Variants in SLC30A10 observed in about 807,000 individuals in gnomAD.
The protein encoded by SLC30A10 is solute carrier family 30 member 10.
Under a neutral mutation model 21.7 loss-of-function variants are expected in SLC30A10, and 8 were observed. That is an observed-to-expected ratio of 0.37 (90% CI 0.22 to 0.67). The LOEUF is 0.67. Ranked by LOEUF, SLC30A10 falls within the 30% of genes least tolerant of loss-of-function variation. SLC30A10 has a pLI of 0.58. For missense variants in SLC30A10, 521 were observed against 642.5 expected (o/e 0.81, Z 2.04); for synonymous variants, 272 against 279.4 (o/e 0.97, Z 0.26).
chr1:219,939,904 G>A (rs1660098562), intron 1 of SLC30A10, among the ~76,000 whole-genome samples: 1 of 152,234 alleles, frequency 6.6e-6, no homozygotes. Context: ...AGGGAGGAGT[G>A]AGAGTCTTTT....
intron 1 of SLC30A10, 126 bp downstream of exon 1, chr1:219,927,664 AAAAACAACAAC>A: frequency 3.9e-6 from 2 of 509,740 alleles, no homozygotes; most frequent in Non-Finnish European, 2.6e-6. Context: ...AAAAAAAAAA[AAAAACAACAAC>A]AACAAAAAAA....
At chr1:219,924,395 G>T (rs11799573) in intron 2 of SLC30A10, among the ~76,000 whole-genome samples, 2,785 of 152,174 alleles carry the variant, frequency 0.018, 84 homozygotes, top group African/African-American at 0.061. Flanking sequence ...TGGGGAAGTC[G>T]TCAAACTCTC....
chr1:219,953,768 C>G (rs1048781156), intron 1 of SLC30A10, among the ~76,000 whole-genome samples: 3 of 150,536 alleles, frequency 2.0e-5, no homozygotes, highest in Non-Finnish European at 3.0e-5. Flanking sequence ...GTGCAGTGGC[C>G]CGATCTCGGC....
chr1:219,911,150 T>TTTTTTTTG lies in SLC30A10; in HGVS notation c.*4298_*4299insCAAAAAAA, dbSNP rs1659404121. ...TGTTTCTTCATTTTTTCTACATCAG[T>TTTTTTTTG]TTTTTTTTTTTTTTTTTTTTTTTTG... On this transcript the variant is annotated 3_prime_UTR_variant, in exon 4 of 4. Coordinates refer to ENST00000366926, the MANE Select transcript of SLC30A10 (RefSeq NM_018713.3). 2.0e-5 allele frequency among the ~76,000 whole-genome samples: 1 copy of TTTTTTTTG among 50,002 alleles called. No homozygotes were observed. Among genetic ancestry groups the TTTTTTTTG allele is most frequent in the African/African-American group, 1.2e-4 (1 of 8,170 alleles). 32.8% of individuals were successfully genotyped at this position (50,002 alleles called of 152,430 possible).
rs1314286563 is a variant in SLC30A10 at position 219,911,546 on chromosome 1, TTTC to T, written c.*3900_*3902del. 2.0e-5 allele frequency among the ~76,000 whole-genome samples: 3 copies of T among 152,148 alleles called. No homozygotes were observed. Among genetic ancestry groups the T allele is most frequent in the African/African-American group, 2.4e-5 (1 of 41,442 alleles). ...CACAGAAGAGTGAGACCAAATGCTT[TTTC>T]TTCATTTCATTTACTGTTATAATGA... On this transcript the variant is annotated 3_prime_UTR_variant, in exon 4 of 4. Transcript: ENST00000366926.
chr1:219,955,593 A>AT (rs982980188), intron 1 of SLC30A10, among the ~76,000 whole-genome samples: 24 of 152,054 alleles, frequency 1.6e-4, no homozygotes, highest in African/African-American at 5.1e-4. Flanking sequence ...AGTGGTCTTG[A>AT]TTTTTTTTAC....
chr1:219,958,173 T>C (rs565438357), intron 1 of SLC30A10, among the ~76,000 whole-genome samples: 1 of 139,108 alleles, frequency 7.2e-6, no homozygotes, highest in Admixed American at 6.8e-5. Flanking sequence ...GACATTAACT[T>C]TTTTTTAAAT....
chr1:219,915,178 A>G lies in SLC30A10; in HGVS notation c.*271T>C. 2.2e-6 allele frequency: 1 copy of G among 450,030 alleles called. No homozygotes were observed. Among genetic ancestry groups the G allele is most frequent in the East Asian group, 4.1e-5 (1 of 24,268 alleles). 27.9% of individuals were successfully genotyped at this position (450,030 alleles called of 1,614,324 possible). On this transcript the variant is annotated 3_prime_UTR_variant, in exon 4 of 4. Coordinates refer to ENST00000366926, the MANE Select transcript of SLC30A10 (RefSeq NM_018713.3). ...TCCCAGACTTTAATGTCCCTGATAT[A>G]TACACTAGTGCAGTTTGCTTTAGAA...
intron 2 of SLC30A10, among the ~76,000 whole-genome samples, chr1:219,923,215 G>T (rs1659739007): frequency 6.6e-6 from 1 of 152,178 alleles, no homozygotes. Context: ...AAATCTGGCA[G>T]CATTATCTGA....
chr1:219,950,137 G>C (rs1052895782), intron 1 of SLC30A10, among the ~76,000 whole-genome samples: 1 of 152,156 alleles, frequency 6.6e-6, no homozygotes, highest in Non-Finnish European at 1.5e-5. Context: ...GCCATAAAAC[G>C]GTTGATGCCT....
At chr1:219,946,363 A>T (rs1243493767) in intron 1 of SLC30A10, among the ~76,000 whole-genome samples, 4 of 152,232 alleles carry the variant, frequency 2.6e-5, no homozygotes, top group Non-Finnish European at 1.5e-5. Flanking sequence ...CAAAGGAAGC[A>T]GTGGTTGATA....
Position 219,915,498 on chromosome 1 carries a change from A to C in SLC30A10, c.1409T>G (p.Leu470Arg). 3 of 1,614,240 alleles carry C rather than the reference A, an allele frequency of 1.9e-6. No homozygotes were observed. The highest frequency in any genetic ancestry group is 2.5e-6 in the Non-Finnish European group (3 of 1,180,050). ...ACATTGGTCCTCCTGAGTTTTGTTAAGACTTTGTCCGTGGTCACTCAGACA... is the reference window on the plus strand; with the variant it reads ...ACATTGGTCCTCCTGAGTTTTGTTACGACTTTGTCCGTGGTCACTCAGACA... Reference protein sequence around the residue: ...DSCLSDHGQSLNKTQEDQCYV... With the variant: ...DSCLSDHGQSRNKTQEDQCYV... The change falls in exon 4 of 4, where the codon CTT (leucine) becomes CGT (arginine). Residue 470 changes from leucine to arginine, a missense_variant. Leu to Arg is a moderately radical substitution (Grantham distance 102). Transcript: ENST00000366926.
In SLC30A10 at chr1:219,914,449, T is replaced by C. The variant is rs1014452598; in HGVS notation, c.*1000A>G. On this transcript the variant is annotated 3_prime_UTR_variant, in exon 4 of 4. Transcript: ENST00000366926. The stretch of plus-strand genomic sequence containing the variant: ...GTTACTAGTTGACAACTATAATAAA[T>C]ACTTTAAAATATGTCTAATTAAAGA... 2 of 152,228 alleles carry C rather than the reference T, an allele frequency of 1.3e-5. No individual in the cohort carries two copies. The highest frequency in any genetic ancestry group is 2.9e-5 in the Non-Finnish European group (2 of 68,038). 9.4% of individuals were successfully genotyped at this position (152,228 alleles called of 1,614,324 possible).
At chr1:219,955,392 G>C (rs192311171) in intron 1 of SLC30A10, among the ~76,000 whole-genome samples, 136 of 152,198 alleles carry the variant, frequency 8.9e-4, no homozygotes, top group African/African-American at 3.2e-3. Context: ...CCTCCCACCG[G>C]CTAGATCTGG....
chr1:219,937,976 C>T (rs1207359836), intron 1 of SLC30A10, among the ~76,000 whole-genome samples: 1 of 152,132 alleles, frequency 6.6e-6, no homozygotes, highest in African/African-American at 2.4e-5. Context: ...AGTTCATGTT[C>T]ATTGTTTTAT....
In SLC30A10 at chr1:219,912,170, C is replaced by CAAAAAAAAAAA. The variant is rs59792236; in HGVS notation, c.*3268_*3278dup. On this transcript the variant is annotated 3_prime_UTR_variant, in exon 4 of 4. Coordinates refer to ENST00000366926, the MANE Select transcript of SLC30A10 (RefSeq NM_018713.3). ...CCACTGGAATTTGCTCTACCAATGG[C>CAAAAAAAAAAA]AAAAAAAAAAAAAAAAAAAAAAAAA... is the stretch of plus-strand genomic sequence containing the variant. 6.7e-5 allele frequency among the ~76,000 whole-genome samples: 5 copies of CAAAAAAAAAAA among 74,698 alleles called. No homozygotes were observed. Among genetic ancestry groups the CAAAAAAAAAAA allele is most frequent in the African/African-American group, 1.1e-4 (2 of 18,270 alleles). 49.0% of individuals were successfully genotyped at this position (74,698 alleles called of 152,430 possible).
In SLC30A10 at chr1:219,918,423, C is replaced by A; in HGVS notation, c.790G>T (p.Val264Leu). The change falls in exon 3 of 4, where the codon GTG becomes TTG. Residue 264 changes from valine to leucine, a missense_variant. Val to Leu is a conservative substitution (Grantham distance 32). Coordinates refer to ENST00000366926, the MANE Select transcript of SLC30A10 (RefSeq NM_018713.3). The surrounding 1 kb of genome is among the most constrained non-coding windows in gnomAD (Gnocchi z 4.4). ...VVVITAIIFY[V>L]LPLKSEDPCN... ...GGGTCCTCACTCTTCAGGGGAAGCA[C>A]ATAGAATATGATGGCCGTGATGACC... 1 of 1,614,064 alleles carries A rather than the reference C, an allele frequency of 6.2e-7. No homozygotes were observed. Among genetic ancestry groups the A allele is most frequent in the Non-Finnish European group, 8.5e-7 (1 of 1,180,022 alleles).
upstream of SLC30A10, chr1:219,928,612 T>TC (rs754730650): frequency 2.6e-5 from 14 of 540,638 alleles, no homozygotes; most frequent in Non-Finnish European, 4.0e-5. This position sits in a 1 kb window ranked among gnomAD's most constrained non-coding sequence, Gnocchi z 6.3. Flanking sequence ...GCGCCACCAG[T>TC]CCCCGCACGT....
At chr1:219,919,267 A>G (rs948373846) in intron 2 of SLC30A10, among the ~76,000 whole-genome samples, 1 of 152,184 alleles carries the variant, frequency 6.6e-6, no homozygotes, top group Non-Finnish European at 1.5e-5. Flanking sequence ...TTAGGTAAAA[A>G]TTTGGTCAGA....
Sources: gnomAD v4.1 joint callset for allele counts (sites outside exome capture counted in the v4.1 genomes callset) on GRCh38, gnomAD v4.1.1 for gene constraint, Gnocchi (gnomAD v3.1) non-coding constraint, MANE v1.5 for transcripts, NCBI Gene and HGNC (gene_info 2026-07-23, HGNC 2026-07-21) for gene names.